Variants in BCAT1 observed in about 807,000 individuals in gnomAD.
The protein encoded by BCAT1 is branched-chain-amino-acid aminotransferase, cytosolic.
In BCAT1, 48 loss-of-function variants were observed where a neutral mutation model predicts 52.4. The observed-to-expected ratio is 0.92, with a 90% CI of 0.73 to 1.16. BCAT1 has a LOEUF of 1.16. Among genes scored for constraint, BCAT1 ranks in the 50% most tolerant of loss-of-function variants. The probability of loss-of-function intolerance (pLI) is 0.00; values close to 1 mark genes in which losing one functional copy is unlikely to be tolerated. For synonymous variants in BCAT1, 167 were observed against 161.3 expected (o/e 1.04, Z -0.27); for missense variants, 451 against 457.1 (o/e 0.99, Z 0.12).
intron 1 of BCAT1, among the ~76,000 whole-genome samples, chr12:24,941,598 G>T (rs989514988): frequency 1.3e-5 from 2 of 152,200 alleles, no homozygotes; most frequent in African/African-American, 4.8e-5. Context: ...ATGGTGCAAG[G>T]TTCCTGCCAT....
intron 1 of BCAT1, chr12:24,902,810 C>T: frequency 7.9e-7 from 1 of 1,266,602 alleles, no homozygotes; most frequent in Non-Finnish European, 1.1e-6. Context: ...GAAGACGCCT[C>T]GCTGGAGGCG....
intron 10 of BCAT1, among the ~76,000 whole-genome samples, chr12:24,823,044 T>C (rs1940212203): frequency 1.3e-5 from 2 of 152,006 alleles, no homozygotes; most frequent in South Asian, 4.2e-4. Flanking sequence ...CTTTTTTTTT[T>C]TTTTCATTTG....
At chr12:24,853,571 T>G (rs1941578448) in intron 5 of BCAT1, among the ~76,000 whole-genome samples, 1 of 152,184 alleles carries the variant, frequency 6.6e-6, no homozygotes, top group Non-Finnish European at 1.5e-5. Context: ...GTAACAAACT[T>G]GCACATGTAA....
At chr12:24,902,074 T>TGGGA in intron 1 of BCAT1, 189 bp from the exon 2 acceptor site, 2 of 1,508,616 alleles carry the variant, frequency 1.3e-6, no homozygotes, top group Non-Finnish European at 1.8e-6. Context: ...AGCGCTGCCC[T>TGGGA]GCACTTCCCA....
intron 6 of BCAT1, among the ~76,000 whole-genome samples, chr12:24,846,275 T>A (rs1465441236): frequency 3.3e-5 from 5 of 152,206 alleles, no homozygotes; most frequent in Non-Finnish European, 7.4e-5. Context: ...CTGTAGATGG[T>A]CTTTATTCCC....
intron 5 of BCAT1, among the ~76,000 whole-genome samples, chr12:24,853,204 C>A (rs1275599812): frequency 6.6e-6 from 1 of 152,142 alleles, no homozygotes; most frequent in Non-Finnish European, 1.5e-5. Context: ...ACCCAGGTGA[C>A]CATCAATGGT....
intron 1 of BCAT1, among the ~76,000 whole-genome samples, chr12:24,943,659 C>A (rs1943882442): frequency 6.6e-6 from 1 of 152,082 alleles, no homozygotes; most frequent in Non-Finnish European, 1.5e-5. Context: ...AGTAAGTTTT[C>A]TGATGCTTTC....
At chr12:24,877,421 G>A (rs17314570) in intron 5 of BCAT1, among the ~76,000 whole-genome samples, 1,754 of 152,128 alleles carry the variant, frequency 0.012, 16 homozygotes, top group Non-Finnish European at 0.019. Flanking sequence ...AAACATACTC[G>A]TCCGCTCAAA....
chr12:24,903,004 A>C, intron 1 of BCAT1: 1 of 1,458,142 alleles, frequency 6.9e-7, no homozygotes, highest in Non-Finnish European at 9.0e-7. Flanking sequence ...GGCTGCGGGG[A>C]CGCGGGGCTG....
intron 1 of BCAT1, among the ~76,000 whole-genome samples, chr12:24,927,392 C>T (rs966539714): frequency 1.3e-5 from 2 of 152,120 alleles, no homozygotes; most frequent in Non-Finnish European, 2.9e-5. Context: ...CATAGACAAG[C>T]TACATAGCAA....
intron 8 of BCAT1, chr12:24,834,801 C>A (rs1940847673): frequency 8.7e-7 from 1 of 1,150,604 alleles, no homozygotes; most frequent in Non-Finnish European, 1.1e-6. Flanking sequence ...AAGCTGAGTT[C>A]TGTGTCCTGA....
chr12:24,941,311 C>T (rs146870580), intron 1 of BCAT1, among the ~76,000 whole-genome samples: 1 of 152,200 alleles, frequency 6.6e-6, no homozygotes, highest in East Asian at 1.9e-4. Context: ...CATGAGTTTG[C>T]AGCTATATGA....
intron 1 of BCAT1, among the ~76,000 whole-genome samples, chr12:24,943,493 G>GAA (rs4031153): frequency 0.14 from 7,914 of 58,370 alleles, 894 homozygotes; most frequent in South Asian, 0.41. Context: ...ACCCTATCTG[G>GAA]AAAAAAAAAA....
chr12:24,894,385 T>A lies in BCAT1; in HGVS notation c.169A>T (p.Met57Leu). The A allele has an allele frequency of 3.7e-6, 6 of 1,613,824 alleles. No individual in the cohort carries two copies. The highest frequency in any genetic ancestry group is 5.1e-6 in the Non-Finnish European group (6 of 1,179,820). Reference sequence around the variant, plus strand: ...TCTGAGGACCACTCCACCGTCAGCATATGATCCGTGAACACAGTTCCAAAA... The same window carrying A: ...TCTGAGGACCACTCCACCGTCAGCAAATGATCCGTGAACACAGTTCCAAAA... ...LVFGTVFTDHMLTVEWSSEFG... is the reference protein window; with the variant it reads ...LVFGTVFTDHLLTVEWSSEFG... Residue 57 changes from methionine to leucine, a missense_variant, in exon 3 of 11, where the codon ATG (methionine) becomes TTG (leucine). Physicochemically the swap from Met to Leu is conservative, Grantham distance 15. Coordinates refer to ENST00000261192, the MANE Select transcript of BCAT1 (RefSeq NM_005504.7).
intron 6 of BCAT1, among the ~76,000 whole-genome samples, chr12:24,849,137 C>G (rs754369334): frequency 6.6e-6 from 1 of 152,236 alleles, no homozygotes; most frequent in Non-Finnish European, 1.5e-5. Context: ...CAGTTATTCT[C>G]GTTCACCCAT....
chr12:24,828,873 G>T (rs1940519603), intron 10 of BCAT1, among the ~76,000 whole-genome samples: 1 of 151,958 alleles, frequency 6.6e-6, no homozygotes, highest in African/African-American at 2.4e-5. Flanking sequence ...GGGAACGGTG[G>T]CATGAGACCT....
At chr12:24,933,498 C>T (rs2139747145) in intron 1 of BCAT1, among the ~76,000 whole-genome samples, 1 of 152,226 alleles carries the variant, frequency 6.6e-6, no homozygotes, top group East Asian at 1.9e-4. Flanking sequence ...ACCTGCTCTT[C>T]ACCCTCTGAT....
intron 1 of BCAT1, among the ~76,000 whole-genome samples, chr12:24,925,634 T>C (rs752652026): frequency 1.3e-4 from 20 of 151,414 alleles, no homozygotes; most frequent in Non-Finnish European, 2.7e-4. Context: ...CTCCCTCTGA[T>C]GCCAAGCCGA....
intron 9 of BCAT1, among the ~76,000 whole-genome samples, chr12:24,831,886 T>C (rs1310879353): frequency 6.6e-6 from 1 of 152,050 alleles, no homozygotes; most frequent in African/African-American, 2.4e-5. Context: ...AAAACAAAAG[T>C]ATGGCACATA....
Sources: gnomAD v4.1 joint callset for allele counts (sites outside exome capture counted in the v4.1 genomes callset) on GRCh38, gnomAD v4.1.1 for gene constraint, MANE v1.5 for transcripts, NCBI Gene and HGNC (gene_info 2026-07-23, HGNC 2026-07-21) for gene names.